SNTG1: variants seen among roughly 807,000 people sequenced by gnomAD.
SNTG1 encodes the protein gamma-1-syntrophin.
In SNTG1, 39 loss-of-function variants were observed where a neutral mutation model predicts 74.7. That is an observed-to-expected ratio of 0.52 (90% confidence interval 0.40 to 0.68). The LOEUF (loss-of-function observed/expected upper bound fraction) is 0.68. Ranked by LOEUF, SNTG1 falls within the 30% of genes least tolerant of loss-of-function variation. SNTG1 has a pLI of 0.00. For synonymous variants in SNTG1, 254 were observed against 217.1 expected, an observed-to-expected ratio of 1.17 and a Z score of -1.49; for missense variants, 685 against 609.5, an observed-to-expected ratio of 1.12 and a Z score of -1.30.
At chr8:50,302,377 CCACTGGGAT>C (rs2089689828) in intron 2 of SNTG1, among the ~76,000 whole-genome samples, 1 of 152,050 alleles carries the variant, frequency 6.6e-6, no homozygotes, top group East Asian at 1.9e-4. Context: ...CGATTATTTG[CCACTGGGAT>C]CACTATAATT....
intron 1 of SNTG1, among the ~76,000 whole-genome samples, chr8:50,030,543 A>C (rs1728140225): frequency 6.6e-6 from 1 of 152,034 alleles, no homozygotes; most frequent in Non-Finnish European, 1.5e-5. Flanking sequence ...GTTTAATTAT[A>C]AATTTATATT....
chr8:50,058,340 G>A (rs752916653), intron 1 of SNTG1, among the ~76,000 whole-genome samples: 15 of 152,044 alleles, frequency 9.9e-5, no homozygotes, highest in African/African-American at 2.7e-4. Context: ...TAGAAATCCC[G>A]ATCAGTGGTT....
intron 1 of SNTG1, among the ~76,000 whole-genome samples, chr8:50,132,899 AG>A (rs2081360921): frequency 6.6e-6 from 1 of 152,092 alleles, no homozygotes; most frequent in South Asian, 2.1e-4. Context: ...TTCTGCTGAG[AG>A]GTTTGTGGAC....
At chr8:50,738,107 G>A (rs2095533525) in intron 17 of SNTG1, among the ~76,000 whole-genome samples, 1 of 152,024 alleles carries the variant, frequency 6.6e-6, no homozygotes, top group African/African-American at 2.4e-5. Context: ...TAAGAAAAGA[G>A]GAAGTCAAAT....
intron 1 of SNTG1, among the ~76,000 whole-genome samples, chr8:50,102,058 C>T (rs1455744125): frequency 6.6e-6 from 1 of 151,986 alleles, no homozygotes; most frequent in African/African-American, 2.4e-5. Context: ...ATTTATAATC[C>T]TTTGGGTATA....
At chr8:50,047,902 G>T (rs1220113517) in intron 1 of SNTG1, among the ~76,000 whole-genome samples, 5 of 152,090 alleles carry the variant, frequency 3.3e-5, no homozygotes, top group East Asian at 1.9e-4. Context: ...TGAGTTAGTG[G>T]TTAAGACTTA....
At chr8:50,081,313 A>G (rs1049414547) in intron 1 of SNTG1, among the ~76,000 whole-genome samples, 9 of 152,084 alleles carry the variant, frequency 5.9e-5, no homozygotes, top group African/African-American at 2.2e-4. Context: ...GTTGTATATG[A>G]TTGGTCATTT....
intron 1 of SNTG1, among the ~76,000 whole-genome samples, chr8:49,997,764 A>C (rs1245925908): frequency 6.6e-6 from 1 of 152,014 alleles, no homozygotes; most frequent in East Asian, 1.9e-4. Flanking sequence ...TTTTTTTAGC[A>C]TCTTGATCTT....
At chr8:50,737,348 G>C (rs1431845550) in intron 17 of SNTG1, among the ~76,000 whole-genome samples, 8 of 152,004 alleles carry the variant, frequency 5.3e-5, no homozygotes, top group African/African-American at 1.9e-4. Flanking sequence ...ACCCTCCTAA[G>C]ACTAAACCAG....
At chr8:50,153,043 A>C (rs1283755520) in intron 1 of SNTG1, among the ~76,000 whole-genome samples, 1 of 152,216 alleles carries the variant, frequency 6.6e-6, no homozygotes, top group Non-Finnish European at 1.5e-5. Flanking sequence ...CAGGTACACC[A>C]ATCAGACGTA....
intron 1 of SNTG1, among the ~76,000 whole-genome samples, chr8:50,007,445 T>C (rs1017541761): frequency 6.6e-6 from 1 of 152,120 alleles, no homozygotes; most frequent in African/African-American, 2.4e-5. Flanking sequence ...TCTCTTTCAT[T>C]TTAAAACGTA....
chr8:50,425,357 T>C (rs1274070854), intron 4 of SNTG1, among the ~76,000 whole-genome samples: 1 of 151,434 alleles, frequency 6.6e-6, no homozygotes, highest in African/African-American at 2.4e-5. Flanking sequence ...CACATTCTCA[T>C]AGAAGCACAT....
intron 1 of SNTG1, among the ~76,000 whole-genome samples, chr8:50,019,466 C>T (rs985396462): frequency 6.6e-6 from 1 of 152,062 alleles, no homozygotes; most frequent in Admixed American, 6.6e-5. Flanking sequence ...TCTTTTTACA[C>T]TTCCCCCTTG....
chr8:50,036,812 A>G (rs2130790558), intron 1 of SNTG1, among the ~76,000 whole-genome samples: 1 of 152,246 alleles, frequency 6.6e-6, no homozygotes, highest in East Asian at 1.9e-4. Flanking sequence ...TTTCTAAGAA[A>G]TATTATACCA....
rs570063120 is a variant in SNTG1, at chr8:50,011,361, G to C, written c.-103+99130G>C. Among the ~76,000 whole-genome samples, 225 of 152,278 alleles carry C rather than the reference G, an allele frequency of 1.5e-3. 4 individuals are homozygous for C. The highest frequency in any genetic ancestry group is 5.2e-3 in the African/African-American group (217 of 41,574). ...TGTAAGAGCTAGACACTTAGTGCAT[G>C]ATACTTATTGTTAGCCCAATGCAGG... On this transcript the variant is annotated intron_variant, in intron 1 of 18. Coordinates refer to ENST00000642720, the MANE Select transcript of SNTG1 (RefSeq NM_018967.5).
chr8:50,528,264 C>T (rs773612327), intron 9 of SNTG1, among the ~76,000 whole-genome samples: 2 of 151,812 alleles, frequency 1.3e-5, no homozygotes, highest in African/African-American at 2.4e-5. Flanking sequence ...GTTAGGGTAT[C>T]GGATATAGGT....
intron 15 of SNTG1, among the ~76,000 whole-genome samples, chr8:50,660,342 G>A (rs1374176895): frequency 7.8e-5 from 10 of 127,858 alleles, no homozygotes; most frequent in African/African-American, 2.7e-4. Context: ...AAGAAAGAAA[G>A]AGAAAGAAAG....
At chr8:50,075,470 T>C (rs925986154) in intron 1 of SNTG1, among the ~76,000 whole-genome samples, 1 of 152,192 alleles carries the variant, frequency 6.6e-6, no homozygotes, top group Non-Finnish European at 1.5e-5. Flanking sequence ...AACTTTTGTG[T>C]CTAACTCAGG....
intron 1 of SNTG1, among the ~76,000 whole-genome samples, chr8:49,959,689 T>C (rs1810507172): frequency 6.6e-6 from 1 of 152,230 alleles, no homozygotes; most frequent in South Asian, 2.1e-4. Context: ...TGTTCATCCG[T>C]TTAGCAGTTG....
Sources: allele counts gnomAD v4.1 joint callset (sites outside exome capture counted in the v4.1 genomes callset), GRCh38; gene constraint gnomAD v4.1.1; transcripts MANE v1.5; gene names NCBI Gene and HGNC (gene_info 2026-07-23, HGNC 2026-07-21).